PRIMPOL: variants seen among roughly 807,000 people sequenced by gnomAD.
PRIMPOL encodes DNA-directed primase/polymerase protein.
In PRIMPOL, 54 loss-of-function variants were observed where a neutral mutation model predicts 63.6. The ratio of observed to expected loss-of-function variants is 0.85; its 90% CI spans 0.68 to 1.07. The LOEUF (loss-of-function observed/expected upper bound fraction) is 1.07, where lower values mean the gene tolerates loss of function less well. Ranked by LOEUF, PRIMPOL falls within the 50% of genes least tolerant of loss-of-function variation. The pLI, the probability that PRIMPOL is intolerant of heterozygous loss-of-function variation, is 0.00. For missense variants in PRIMPOL, 610 were observed against 648.3 expected (o/e 0.94, Z 0.64); for synonymous variants, 197 against 220.2 (o/e 0.89, Z 0.93).
intron 4 of PRIMPOL, 83 bp downstream of exon 4, chr4:184,659,520 T>C: frequency 1.0e-6 from 1 of 977,692 alleles, no homozygotes; most frequent in South Asian, 1.3e-5. Context: ...TAGTTCAGGC[T>C]GAATTGGCTT....
intron 11 of PRIMPOL, among the ~76,000 whole-genome samples, chr4:184,687,157 G>A (rs1175040647): frequency 2.0e-5 from 3 of 152,162 alleles, no homozygotes; most frequent in African/African-American, 2.4e-5. Context: ...TGCAACCTCC[G>A]CTTCCTTGAT....
chr4:184,678,307 C>T lies in PRIMPOL; in HGVS notation c.920C>T (p.Thr307Ile), dbSNP rs964657457. 4.4e-6 allele frequency: 7 copies of T among 1,606,870 alleles called. No individual in the cohort carries two copies. Among genetic ancestry groups the T allele is most frequent in the African/African-American group, 4.0e-5 (3 of 74,518 alleles). The change falls in exon 8 of 14, where the codon ACT becomes ATT. Residue 307 changes from threonine to isoleucine, a missense_variant. Thr to Ile is a moderately conservative substitution (Grantham distance 89). Around this residue, in one of 3 missense-constraint regions of PRIMPOL, gnomAD observed 444 missense variants for 456.4 expected, o/e 0.97. Coordinates refer to ENST00000314970, the MANE Select transcript of PRIMPOL (RefSeq NM_152683.4). The part of the protein sequence containing the change: ...KIGKRVALEV[T>I]EDNKFFPIQS... Reference sequence around the variant, plus strand: ...GGAAAGCGTGTGGCTTTGGAGGTTACTGAAGATAACAAATTTTTTCCTATA... The same window carrying T: ...GGAAAGCGTGTGGCTTTGGAGGTTATTGAAGATAACAAATTTTTTCCTATA...
chr4:184,676,391 T>TTTTCCTTCCCTTCTCCCTTCCCTTC (rs1753431440), intron 7 of PRIMPOL, among the ~76,000 whole-genome samples: 1 of 49,194 alleles, frequency 2.0e-5, no homozygotes, highest in Non-Finnish European at 4.6e-5. Context: ...TTCCTTTCCC[T>TTTTCCTTCCCTTCTCCCTTCCCTTC]TCCCTTCCCC....
intron 7 of PRIMPOL, among the ~76,000 whole-genome samples, chr4:184,675,344 G>A (rs1429672237): frequency 2.0e-5 from 3 of 152,132 alleles, no homozygotes; most frequent in Non-Finnish European, 4.4e-5. Context: ...ATAGACTTAT[G>A]TACATTTTAT....
chr4:184,651,595 A>G (rs1323729418), intron 1 of PRIMPOL, among the ~76,000 whole-genome samples: 1 of 152,186 alleles, frequency 6.6e-6, no homozygotes, highest in East Asian at 1.9e-4. Context: ...CCAAATTAGC[A>G]AGCATTAGCA....
At chr4:184,678,931 G>A (rs982503743) in intron 8 of PRIMPOL, among the ~76,000 whole-genome samples, 2 of 151,886 alleles carry the variant, frequency 1.3e-5, no homozygotes, top group African/African-American at 4.8e-5. Context: ...ATCTTTTTAG[G>A]ATTATATTTA....
intron 13 of PRIMPOL, chr4:184,694,167 T>C (rs998638317): frequency 1.7e-5 from 17 of 984,364 alleles, no homozygotes; most frequent in Non-Finnish European, 2.0e-5. Flanking sequence ...GGGTACTAAG[T>C]CCATTGTCAA....
chr4:184,690,405 GTTGA>G (rs1337674926), intron 11 of PRIMPOL, among the ~76,000 whole-genome samples: 9 of 151,908 alleles, frequency 5.9e-5, no homozygotes, highest in Non-Finnish European at 1.0e-4. Flanking sequence ...TGTAGGCCTC[GTTGA>G]TTCTTTTTAC....
intron 1 of PRIMPOL, among the ~76,000 whole-genome samples, chr4:184,650,313 A>G (rs1743867259): frequency 6.6e-6 from 1 of 152,270 alleles, no homozygotes; most frequent in Non-Finnish European, 1.5e-5. Context: ...AGAGGGAGTG[A>G]AGAAGAGGAA....
chr4:184,691,835 CTGT>C, intron 13 of PRIMPOL, 123 bp downstream of exon 13: 1 of 700,584 alleles, frequency 1.4e-6, no homozygotes, highest in Admixed American at 2.4e-5. Flanking sequence ...TCACTTATGA[CTGT>C]ATTATAGGAA....
intron 9 of PRIMPOL, among the ~76,000 whole-genome samples, chr4:184,683,630 GA>G (rs979477607): frequency 4.6e-5 from 7 of 152,140 alleles, no homozygotes; most frequent in Admixed American, 4.6e-4. Context: ...TATATAGAGA[GA>G]GATCTTCCTC....
intron 6 of PRIMPOL, among the ~76,000 whole-genome samples, chr4:184,670,073 A>G (rs552537198): frequency 6.6e-6 from 1 of 152,282 alleles, no homozygotes; most frequent in South Asian, 2.1e-4. Flanking sequence ...ATTTCCAGCA[A>G]ATTAGATAGT....
intron 6 of PRIMPOL, among the ~76,000 whole-genome samples, chr4:184,667,802 A>AC (rs1367793284): frequency 1.3e-5 from 2 of 151,982 alleles, no homozygotes; most frequent in Non-Finnish European, 2.9e-5. Context: ...ATAAGGTTAT[A>AC]CCCCATCCCC....
chr4:184,690,059 C>G (rs2150166655), intron 11 of PRIMPOL, among the ~76,000 whole-genome samples: 1 of 152,186 alleles, frequency 6.6e-6, no homozygotes, highest in East Asian at 1.9e-4. Context: ...GGTGCAGGTC[C>G]CTTACCACCT....
intron 11 of PRIMPOL, among the ~76,000 whole-genome samples, chr4:184,689,534 C>G (rs1012964148): frequency 1.5e-5 from 2 of 136,486 alleles, no homozygotes; most frequent in African/African-American, 2.7e-5. Context: ...CTCACTGCAA[C>G]CTCTGCCTCC....
intron 8 of PRIMPOL, among the ~76,000 whole-genome samples, chr4:184,680,900 C>T (rs2150134387): frequency 6.6e-6 from 1 of 152,284 alleles, no homozygotes; most frequent in Middle Eastern, 3.4e-3. Flanking sequence ...ATTCCTGCCA[C>T]ACCCTATTGG....
chr4:184,661,737 A>G lies in PRIMPOL; in HGVS notation c.279-37A>G, dbSNP rs1288591620. 5.8e-6 allele frequency: 8 copies of G among 1,368,468 alleles called. No homozygotes were observed. The African/African-American group carries it at 8.7e-5, about 15-fold the overall frequency. The allele number at this position is 1,368,468 out of a possible 1,614,324, so 84.8% of individuals were successfully genotyped here. ...CAATCAATCAATCAATAAAGGTATA[A>G]TATATCAATTTAACAATCTTGAATT... On this transcript the variant is annotated intron_variant, in intron 4 of 13. Coordinates refer to ENST00000314970, the MANE Select transcript of PRIMPOL (RefSeq NM_152683.4).
At chr4:184,683,667 T>G (rs1171008894) in intron 9 of PRIMPOL, among the ~76,000 whole-genome samples, 1 of 152,204 alleles carries the variant, frequency 6.6e-6, no homozygotes, top group Admixed American at 6.5e-5. Context: ...GTATAGTTTT[T>G]CATGGTATAG....
chr4:184,673,062 T>C (rs1752248996), intron 7 of PRIMPOL, among the ~76,000 whole-genome samples: 1 of 152,054 alleles, frequency 6.6e-6, no homozygotes, highest in Non-Finnish European at 1.5e-5. Context: ...ATTGGTGAAC[T>C]GCACCTCATT....
Sources: allele counts gnomAD v4.1 joint callset (sites outside exome capture counted in the v4.1 genomes callset), GRCh38; gene constraint gnomAD v4.1.1; regional missense constraint gnomAD v4.1.1; transcripts MANE v1.5; gene names NCBI Gene and HGNC (gene_info 2026-07-23, HGNC 2026-07-21).